UBE2J1: variants seen among roughly 807,000 people sequenced by gnomAD.
UBE2J1 encodes the protein ubiquitin conjugating enzyme E2 J1.
Under a neutral mutation model 42.1 loss-of-function variants are expected in UBE2J1, and 17 were observed. The ratio of observed to expected loss-of-function variants is 0.40; its 90% CI spans 0.28 to 0.61. The LOEUF (loss-of-function observed/expected upper bound fraction) is 0.61. Ranked by LOEUF, UBE2J1 falls within the 20% of genes least tolerant of loss-of-function variation. The pLI, the probability that UBE2J1 is intolerant of heterozygous loss-of-function variation, is 0.38. For synonymous variants in UBE2J1, 127 were observed against 137.2 expected (o/e 0.93, Z 0.52); for missense variants, 291 against 389.4 (o/e 0.75, Z 2.13).
At chr6:89,339,744 T>C (rs1311662317) in intron 3 of UBE2J1, among the ~76,000 whole-genome samples, 2 of 142,744 alleles carry the variant, frequency 1.4e-5, no homozygotes, top group Non-Finnish European at 3.1e-5. Context: ...GCATGGTGAC[T>C]CATGTCTGTA....
In UBE2J1 at chr6:89,329,440, C is replaced by A; in HGVS notation, c.*239G>T. On this transcript the variant is annotated 3_prime_UTR_variant, in exon 8 of 8. Coordinates refer to ENST00000435041, the MANE Select transcript of UBE2J1 (RefSeq NM_016021.3). ...AACATGAGAAAAAACAAGTTATTTC[C>A]CTGCAAAGCAGATCAAATAGTGAGA... The A allele has an allele frequency of 2.8e-5, 13 of 464,718 alleles. No homozygotes were observed. The highest frequency in any genetic ancestry group is 6.3e-5 in the South Asian group (2 of 31,528). The allele number at this position is 464,718 out of a possible 1,614,324, so 28.8% of individuals were successfully genotyped here.
chr6:89,349,700 G>GA (rs1283300623), intron 1 of UBE2J1, among the ~76,000 whole-genome samples: 1 of 152,108 alleles, frequency 6.6e-6, no homozygotes, highest in Non-Finnish European at 1.5e-5. Context: ...TAGCTTACGA[G>GA]AAGGGCCTGA....
At chr6:89,350,855 T>C (rs1264970717) in intron 1 of UBE2J1, among the ~76,000 whole-genome samples, 5 of 152,138 alleles carry the variant, frequency 3.3e-5, no homozygotes, top group Non-Finnish European at 7.3e-5. Flanking sequence ...ACTACTCACA[T>C]GTGCATTATC....
At chr6:89,330,872 G>A (rs1262336845) in intron 7 of UBE2J1, among the ~76,000 whole-genome samples, 1 of 152,166 alleles carries the variant, frequency 6.6e-6, no homozygotes, top group Non-Finnish European at 1.5e-5. Context: ...ACCAGCATGT[G>A]TGAGGGAGTT....
At chr6:89,338,136 C>A in intron 5 of UBE2J1, 69 bp downstream of exon 5, 1 of 1,029,122 alleles carries the variant, frequency 9.7e-7, no homozygotes, top group East Asian at 2.4e-5. Flanking sequence ...AAGAGGTAGG[C>A]CCTACCTCCT....
Position 89,334,303 on chromosome 6 carries a change from A to T in UBE2J1, c.558+999T>A, listed in dbSNP as rs1347980570. On this transcript the variant is annotated intron_variant, in intron 6 of 7. Transcript: ENST00000435041. The stretch of plus-strand genomic sequence containing the variant: ...CAGGCGTGAGCCACTGCGCCCAGCT[A>T]ATACCTTCAATAATTAAATATTTAA... 2.0e-5 allele frequency among the ~76,000 whole-genome samples: 3 copies of T among 152,016 alleles called. No homozygotes were observed. The East Asian group carries it at 5.8e-4, about 29-fold the overall frequency.
chr6:89,341,994 G>A (rs1768254458), intron 3 of UBE2J1, among the ~76,000 whole-genome samples: 1 of 152,164 alleles, frequency 6.6e-6, no homozygotes, highest in African/African-American at 2.4e-5. Flanking sequence ...GAGACAATAT[G>A]ATTACAAGGT....
chr6:89,338,657 G>GTTT (rs11300340), intron 3 of UBE2J1, 114 bp from the exon 4 acceptor site: 38 of 105,460 alleles, frequency 3.6e-4, no homozygotes, highest in South Asian at 1.6e-3. Context: ...TAAAAAGTTT[G>GTTT]TTTTTTTTTT....
chr6:89,334,411 A>G (rs1768069915), intron 6 of UBE2J1, among the ~76,000 whole-genome samples: 1 of 152,128 alleles, frequency 6.6e-6, no homozygotes, highest in African/African-American at 2.4e-5. Flanking sequence ...AGGGATGCCA[A>G]AATATTAACA....
At chr6:89,334,723 C>T (rs1768077751) in intron 6 of UBE2J1, among the ~76,000 whole-genome samples, 1 of 152,150 alleles carries the variant, frequency 6.6e-6, no homozygotes, top group Non-Finnish European at 1.5e-5. Flanking sequence ...CCGCCTTGGC[C>T]TCCCAAAGTG....
chr6:89,333,665 T>C (rs952490816), intron 6 of UBE2J1, among the ~76,000 whole-genome samples: 1 of 152,236 alleles, frequency 6.6e-6, no homozygotes, highest in Non-Finnish European at 1.5e-5. Flanking sequence ...CACGGCAGGT[T>C]AGTTAATATA....
chr6:89,348,490 G>C (rs1768405329), intron 1 of UBE2J1, among the ~76,000 whole-genome samples: 2 of 152,216 alleles, frequency 1.3e-5, no homozygotes, highest in African/African-American at 4.8e-5. Flanking sequence ...AAATGCAGGA[G>C]ACAGGTATAT....
rs764953980 is a variant in UBE2J1 at position 89,328,201 on chromosome 6, A to C, written c.*1478T>G. 4 of 152,352 alleles carry C rather than the reference A, an allele frequency of 2.6e-5. No homozygotes were observed. The highest frequency in any genetic ancestry group is 4.1e-4 in the South Asian group (2 of 4,830). 9.4% of individuals were successfully genotyped at this position (152,352 alleles called of 1,614,324 possible). On this transcript the variant is annotated 3_prime_UTR_variant, in exon 8 of 8. Transcript: ENST00000435041. ...CAGATGAAAACAGAAATTGTGTCTG[A>C]CAGTTAATAGAACGAATGTCCCATA... is the stretch of plus-strand genomic sequence containing the variant.
At position 89,342,365 on chromosome 6, in the gene UBE2J1, G is replaced by A. The variant is rs1768261642; in HGVS notation, c.196C>T (p.Pro66Ser). The change falls in exon 3 of 8, where the codon CCA becomes TCA. Residue 66 changes from proline (P) to serine (S), a missense_variant. Coordinates refer to ENST00000435041, the MANE Select transcript of UBE2J1 (RefSeq NM_016021.3). ...GVYHGRIVLPPEYPMKPPSII... is the reference protein window; with the variant it reads ...GVYHGRIVLPSEYPMKPPSII... ...CTTGGTGGTTTCATGGGATACTCTG[G>A]TGGCAGTACTATCCGCCCGTGATAA... The A allele has an allele frequency of 6.2e-7, 1 of 1,613,914 alleles. No homozygotes were observed. Among genetic ancestry groups the A allele is most frequent in the Admixed American group, 1.7e-5 (1 of 59,978 alleles).
chr6:89,331,267 T>C (rs889067082), intron 7 of UBE2J1, among the ~76,000 whole-genome samples: 17 of 152,360 alleles, frequency 1.1e-4, no homozygotes, highest in African/African-American at 3.6e-4. Flanking sequence ...TGAGATAGTT[T>C]ATATGTAAAT....
intron 7 of UBE2J1, among the ~76,000 whole-genome samples, chr6:89,332,238 C>A (rs1768023335): frequency 6.6e-6 from 1 of 152,168 alleles, no homozygotes; most frequent in African/African-American, 2.4e-5. Flanking sequence ...CTTAACCAAA[C>A]AATCTGTTAC....
intron 3 of UBE2J1, among the ~76,000 whole-genome samples, chr6:89,338,869 G>A (rs1013073217): frequency 4.0e-5 from 6 of 151,826 alleles, no homozygotes; most frequent in Non-Finnish European, 5.9e-5. Context: ...GTTTCACCGT[G>A]TTAGCCAGGA....
At position 89,327,915 on chromosome 6, in the gene UBE2J1, T is replaced by C. The variant is rs1345174424; in HGVS notation, c.*1764A>G. The C allele has an allele frequency of 6.6e-6, 1 of 152,202 alleles. No homozygotes were observed. Among genetic ancestry groups the C allele is most frequent in the Non-Finnish European group, 1.5e-5 (1 of 68,032 alleles). The allele number at this position is 152,202 out of a possible 1,614,324, so 9.4% of individuals were successfully genotyped here. On this transcript the variant is annotated 3_prime_UTR_variant, in exon 8 of 8. Coordinates refer to ENST00000435041, the MANE Select transcript of UBE2J1 (RefSeq NM_016021.3). ...GAGCACTGAATCAAGGTTTCTAATA[T>C]GTTTCAAATCAAGATTTTAGAGTGT...
chr6:89,332,261 CA>C (rs2127860670), intron 7 of UBE2J1, among the ~76,000 whole-genome samples: 1 of 152,266 alleles, frequency 6.6e-6, no homozygotes, highest in East Asian at 1.9e-4. Flanking sequence ...AAAAGACTTC[CA>C]AAGACAGTTA....
Sources: allele counts gnomAD v4.1 joint callset (sites outside exome capture counted in the v4.1 genomes callset), GRCh38; gene constraint gnomAD v4.1.1; transcripts MANE v1.5; gene names NCBI Gene and HGNC (gene_info 2026-07-23, HGNC 2026-07-21).